Variants in ZFHX3 observed in about 807,000 individuals in gnomAD.
ZFHX3 encodes the protein zinc finger homeobox protein 3.
In ZFHX3, 42 loss-of-function variants were observed where a neutral mutation model predicts 279.1. The ratio of observed to expected loss-of-function variants is 0.15; its 90% CI spans 0.12 to 0.19. ZFHX3 has a LOEUF of 0.19. Ranked by LOEUF, ZFHX3 falls within the 10% of genes least tolerant of loss-of-function variation. The pLI is 1.00. For synonymous variants in ZFHX3, 2,293 were observed against 1,957.8 expected (o/e 1.17, Z -4.52); for missense variants, 4,981 against 4,754.0 (o/e 1.05, Z -1.40).
At chr16:73,577,381 A>G (rs140873712) in intron 2 of ZFHX3, among the ~76,000 whole-genome samples, 134 of 152,310 alleles carry the variant, frequency 8.8e-4, no homozygotes, top group African/African-American at 3.0e-3. Context: ...TTTACAAAAT[A>G]CACTGACTAA....
chr16:73,835,255 G>A (rs1961107231), intron 1 of ZFHX3, among the ~76,000 whole-genome samples: 1 of 152,074 alleles, frequency 6.6e-6, no homozygotes, highest in African/African-American at 2.4e-5. Context: ...GACCTAGGAT[G>A]GAAACTGAAA....
intron 2 of ZFHX3, among the ~76,000 whole-genome samples, chr16:73,587,628 C>T (rs2051941272): frequency 6.6e-6 from 1 of 152,182 alleles, no homozygotes; most frequent in Non-Finnish European, 1.5e-5. Context: ...ACATTCTCAC[C>T]AGACTTGTAT....
intron 2 of ZFHX3, among the ~76,000 whole-genome samples, chr16:73,590,120 C>T (rs1412294791): frequency 6.6e-6 from 1 of 152,020 alleles, no homozygotes; most frequent in African/African-American, 2.4e-5. Context: ...GGGAAAAGGA[C>T]CAGCAGACGT....
At chr16:73,183,761 T>C (rs530393348) in intron 5 of ZFHX3, among the ~76,000 whole-genome samples, 1 of 152,172 alleles carries the variant, frequency 6.6e-6, no homozygotes. Flanking sequence ...TGCGTCCTTA[T>C]CTGTGAGCGG....
chr16:73,545,358 G>T (rs896036434), intron 2 of ZFHX3, among the ~76,000 whole-genome samples: 1 of 152,092 alleles, frequency 6.6e-6, no homozygotes, highest in Non-Finnish European at 1.5e-5. Context: ...AGAGGGAGGG[G>T]GTGGCAGGGT....
chr16:73,187,342 AT>A (rs11437976), intron 5 of ZFHX3, among the ~76,000 whole-genome samples: 2,509 of 147,468 alleles, frequency 0.017, 50 homozygotes, highest in Admixed American at 0.047. Flanking sequence ...GTAAAGAGGG[AT>A]TTTTTTTTTT....
chr16:73,360,886 G>A (rs8051576), intron 3 of ZFHX3, among the ~76,000 whole-genome samples: 12,941 of 152,042 alleles, frequency 0.085, 1,824 homozygotes, highest in African/African-American at 0.29. Context: ...TAATGGAACC[G>A]TGCAGGGATC....
rs760664864 is a variant in ZFHX3, at chr16:72,794,085, T to C, written c.8597A>G (p.Lys2866Arg). 6.1e-5 allele frequency: 98 copies of C among 1,614,070 alleles called. No homozygotes were observed. The highest frequency in any genetic ancestry group is 4.9e-4 in the Middle Eastern group (3 of 6,084). ...DSATGIATETKSSSAPNEGLT... is the reference protein window; with the variant it reads ...DSATGIATETRSSSAPNEGLT... ...CCCTTCGTTGGGTGCAGAAGAGGAT[T>C]TGGTTTCAGTTGCTATTCCCGTTGC... is the stretch of plus-strand genomic sequence containing the variant. The change falls in exon 9 of 10, where the codon AAA (lysine) becomes AGA (arginine). Residue 2866 changes from lysine to arginine, a missense_variant. Coordinates refer to ENST00000268489, the MANE Select transcript of ZFHX3 (RefSeq NM_006885.4). The surrounding 1 kb of genome is among the most constrained non-coding windows in gnomAD (Gnocchi z 4.2).
At chr16:72,902,316 G>A (rs893341869) in intron 3 of ZFHX3, among the ~76,000 whole-genome samples, 1 of 152,172 alleles carries the variant, frequency 6.6e-6, no homozygotes, top group African/African-American at 2.4e-5. Flanking sequence ...AATGCATGGA[G>A]TAAGTAAGAC....
chr16:73,155,172 CAAAAAAACAAA>C (rs1357674432), intron 5 of ZFHX3, among the ~76,000 whole-genome samples: 1 of 41,664 alleles, frequency 2.4e-5, no homozygotes. Flanking sequence ...GACTCTGTCT[CAAAAAAACAAA>C]AAAAAAAAAA....
chr16:73,118,592 G>A (rs1567392971), intron 7 of ZFHX3, among the ~76,000 whole-genome samples: 1 of 152,136 alleles, frequency 6.6e-6, no homozygotes, highest in Admixed American at 6.5e-5. Flanking sequence ...TTTCTTCAGT[G>A]TATTGGGTGT....
chr16:73,825,245 G>A, intron 1 of ZFHX3, among the ~76,000 whole-genome samples: 1 of 17,016 alleles, frequency 5.9e-5, no homozygotes, highest in African/African-American at 6.8e-4. Flanking sequence ...TTTTTGATGG[G>A]GTTGTTTGTT....
chr16:73,729,321 G>A (rs1353194428), intron 1 of ZFHX3, among the ~76,000 whole-genome samples: 1 of 152,210 alleles, frequency 6.6e-6, no homozygotes, highest in East Asian at 1.9e-4. Flanking sequence ...GAGGTAAGGA[G>A]TTCGAGACCA....
upstream of ZFHX3, among the ~76,000 whole-genome samples, chr16:73,051,081 G>A (rs1250654938): frequency 6.6e-6 from 1 of 152,244 alleles, no homozygotes; most frequent in Admixed American, 6.5e-5. Flanking sequence ...CTAAGATACA[G>A]TGGATGTCAG....
intron 7 of ZFHX3, among the ~76,000 whole-genome samples, chr16:73,106,570 T>C (rs1270985567): frequency 6.6e-6 from 1 of 152,166 alleles, no homozygotes; most frequent in Non-Finnish European, 1.5e-5. Context: ...TCCCAGCTCA[T>C]ATGACATTTG....
At chr16:73,695,869 G>C (rs748582073) in intron 1 of ZFHX3, among the ~76,000 whole-genome samples, 2 of 152,018 alleles carry the variant, frequency 1.3e-5, no homozygotes, top group Non-Finnish European at 2.9e-5. Flanking sequence ...ACCCAGGCTC[G>C]GCAAGAAGGA....
chr16:73,792,812 G>T (rs1959867458), intron 1 of ZFHX3, among the ~76,000 whole-genome samples: 1 of 151,744 alleles, frequency 6.6e-6, no homozygotes, highest in South Asian at 2.1e-4. Context: ...GCTAATGAAG[G>T]TAATGAAATA....
intron 1 of ZFHX3, among the ~76,000 whole-genome samples, chr16:73,881,404 G>A (rs1316298800): frequency 7.1e-6 from 1 of 141,522 alleles, no homozygotes. Context: ...ACCCAGGAAG[G>A]TTTGAAGGTT....
In ZFHX3 at chr16:73,483,205, G is replaced by T; in HGVS notation, c.-1546-26947C>A. On this transcript the variant is annotated intron_variant, in intron 2 of 17. Transcript: ENST00000641206. Reference sequence around the variant, plus strand: ...TGACCCCGGAGGAAGAGAACGCGTGGGCCCCTGCTCCAAGTGCCAGCGCAC... The same window carrying T: ...TGACCCCGGAGGAAGAGAACGCGTGTGCCCCTGCTCCAAGTGCCAGCGCAC... 4.6e-5 allele frequency: 16 copies of T among 350,200 alleles called. 1 individual carries two copies. The highest frequency in any genetic ancestry group is 3.4e-4 in the South Asian group (16 of 46,774). The allele number at this position is 350,200 out of a possible 1,614,324, so 21.7% of individuals were successfully genotyped here.
Sources: allele counts gnomAD v4.1 joint callset (sites outside exome capture counted in the v4.1 genomes callset), GRCh38; gene constraint gnomAD v4.1.1; non-coding constraint Gnocchi (gnomAD v3.1); transcripts MANE v1.5; gene names NCBI Gene and HGNC (gene_info 2026-07-23, HGNC 2026-07-21).